CLEC2A: variants seen among roughly 807,000 people sequenced by gnomAD.
CLEC2A encodes the protein keratinocyte-associated C-type lectin.
In CLEC2A, 19 loss-of-function variants were observed where a neutral mutation model predicts 18.6. The ratio of observed to expected loss-of-function variants is 1.02; its 90% confidence interval spans 0.71 to 1.50. The LOEUF is 1.50. Ranked by LOEUF, CLEC2A falls within the 40% of genes most tolerant of loss-of-function variation. The pLI is 0.00. For missense variants in CLEC2A, 190 were observed against 207.9 expected, an observed-to-expected ratio of 0.91 and a Z score of 0.53; for synonymous variants, 74 against 64.0, an observed-to-expected ratio of 1.16 and a Z score of -0.75.
rs535193853 is a variant in CLEC2A at position 9,930,391 on chromosome 12, T to C, written c.55+1884A>G. 1.1e-4 allele frequency among the ~76,000 whole-genome samples: 17 copies of C among 152,296 alleles called. 1 individual carries two copies. The South Asian group carries it at 3.3e-3, about 30-fold the overall frequency. On this transcript the variant is annotated intron_variant, in intron 1 of 4. Coordinates refer to ENST00000455827, the MANE Select transcript of CLEC2A (RefSeq NM_001130711.2). The stretch of plus-strand genomic sequence containing the variant: ...TTGATGAATTATTTCCATAATGTTT[T>C]ATTAAATTTTAATATTTGTGGTTTT...
chr12:9,925,645 T>C (rs1863256529), intron 2 of CLEC2A, among the ~76,000 whole-genome samples: 1 of 96,516 alleles, frequency 1.0e-5, no homozygotes, highest in African/African-American at 4.6e-5. Context: ...ATAGAACTGA[T>C]GTTTATGTGG....
chr12:9,894,472 A>C (rs1307530555), downstream of CLEC2A, among the ~76,000 whole-genome samples: 1 of 151,564 alleles, frequency 6.6e-6, no homozygotes, highest in Non-Finnish European at 1.5e-5. Context: ...GTGAGCCACC[A>C]CTCCCAGCCT....
intron 4 of CLEC2A, chr12:9,899,090 C>T: frequency 1.8e-6 from 1 of 555,964 alleles, no homozygotes; most frequent in Admixed American, 2.6e-5. Context: ...TCAGTTTGCA[C>T]AGGGAGAGGC....
chr12:9,931,333 G>A (rs1287839416), intron 1 of CLEC2A, among the ~76,000 whole-genome samples: 1 of 152,148 alleles, frequency 6.6e-6, no homozygotes, highest in Non-Finnish European at 1.5e-5. Flanking sequence ...TAGATCAAGA[G>A]TTCGTAACTA....
chr12:9,916,618 A>G, intron 4 of CLEC2A, 82 bp downstream of exon 4: 2 of 906,434 alleles, frequency 2.2e-6, no homozygotes, highest in South Asian at 1.5e-5. Flanking sequence ...AGATTTGTTT[A>G]TAATAATACA....
At chr12:9,880,661 A>C in the CLEC2A span, among the ~76,000 whole-genome samples, 4 of 152,198 alleles carry the variant, frequency 2.6e-5, no homozygotes, top group Non-Finnish European at 4.4e-5. Flanking sequence ...ATTCAAATGC[A>C]AAGTCCACCG....
chr12:9,891,283 G>A, the CLEC2A span, among the ~76,000 whole-genome samples: 1 of 152,134 alleles, frequency 6.6e-6, no homozygotes, highest in South Asian at 2.1e-4. Context: ...ATAAAGAGTT[G>A]CTCAATAAAT....
chr12:9,931,820 T>C (rs1863380103), intron 1 of CLEC2A, among the ~76,000 whole-genome samples: 1 of 152,224 alleles, frequency 6.6e-6, no homozygotes, highest in South Asian at 2.1e-4. Flanking sequence ...CTTGTTTTTA[T>C]TTATTGGTTT....
At chr12:9,928,913 T>C (rs903630807) in intron 1 of CLEC2A, among the ~76,000 whole-genome samples, 1 of 152,200 alleles carries the variant, frequency 6.6e-6, no homozygotes, top group Non-Finnish European at 1.5e-5. Flanking sequence ...AATGTATAAG[T>C]GTTTTGGAAA....
the CLEC2A span, among the ~76,000 whole-genome samples, chr12:9,889,427 G>GAT: frequency 3.9e-5 from 6 of 152,116 alleles, no homozygotes; most frequent in Non-Finnish European, 7.4e-5. Context: ...CCTCCATAAA[G>GAT]TGGGTGGATC....
chr12:9,902,073 C>T (rs185840866), intron 4 of CLEC2A, among the ~76,000 whole-genome samples: 10 of 152,256 alleles, frequency 6.6e-5, no homozygotes, highest in African/African-American at 2.4e-4. Flanking sequence ...TCCATGCCTT[C>T]TTATAACCTT....
intron 2 of CLEC2A, among the ~76,000 whole-genome samples, chr12:9,925,060 C>T (rs1006336073): frequency 6.6e-6 from 1 of 152,226 alleles, no homozygotes; most frequent in Non-Finnish European, 1.5e-5. Context: ...AACCTCTTTG[C>T]CTTGCCACAT....
chr12:9,910,161 G>A (rs536683550), downstream of CLEC2A, among the ~76,000 whole-genome samples: 12 of 152,280 alleles, frequency 7.9e-5, no homozygotes, highest in South Asian at 4.1e-4. Flanking sequence ...ATTGGCTCTC[G>A]AGCCCAAATG....
chr12:9,884,868 A>G, the CLEC2A span: 1 of 515,172 alleles, frequency 1.9e-6, no homozygotes, highest in Non-Finnish European at 3.3e-6. Context: ...TCTCTGTAAT[A>G]AAAATGAAAC....
intron 3 of CLEC2A, among the ~76,000 whole-genome samples, chr12:9,920,080 T>C (rs1863141791): frequency 6.6e-6 from 1 of 152,158 alleles, no homozygotes; most frequent in South Asian, 2.1e-4. Flanking sequence ...CACATCTCCC[T>C]CTGGGAGCTG....
At chr12:9,897,259 T>C (rs2137008754), downstream of CLEC2A, among the ~76,000 whole-genome samples, 1 of 152,242 alleles carries the variant, frequency 6.6e-6, no homozygotes, top group Admixed American at 6.5e-5. Context: ...AAATGAAACT[T>C]TCTGTGCTTT....
chr12:9,922,354 C>G (rs967166541), intron 2 of CLEC2A, 122 bp from the exon 3 acceptor site: 16 of 670,662 alleles, frequency 2.4e-5, no homozygotes, highest in Admixed American at 7.3e-5. Context: ...AGCTTCCCCC[C>G]TCCCCAGAAT....
intron 4 of CLEC2A, among the ~76,000 whole-genome samples, chr12:9,903,274 G>A (rs1425385734): frequency 6.6e-6 from 1 of 152,038 alleles, no homozygotes; most frequent in Non-Finnish European, 1.5e-5. Flanking sequence ...TATGGAGAAG[G>A]AGATGTAGGG....
At chr12:9,893,164 AG>A in the CLEC2A span, 1 of 1,530,904 alleles carries the variant, frequency 6.5e-7, no homozygotes, top group East Asian at 2.5e-5. Flanking sequence ...AATTTGGATG[AG>A]CTGGTGAGAA....
Sources: allele counts gnomAD v4.1 joint callset (sites outside exome capture counted in the v4.1 genomes callset), GRCh38; gene constraint gnomAD v4.1.1; transcripts MANE v1.5; gene names NCBI Gene and HGNC (gene_info 2026-07-23, HGNC 2026-07-21).